Variants in TSHR observed in about 807,000 individuals in gnomAD.
TSHR encodes the protein thyroid stimulating hormone receptor.
Under a neutral mutation model 64.1 loss-of-function variants are expected in TSHR, and 51 were observed. The ratio of observed to expected loss-of-function variants is 0.80; its 90% CI spans 0.64 to 1.01. The LOEUF is 1.01. TSHR is among the 50% of genes least tolerant of loss of function. The probability of loss-of-function intolerance (pLI) is 0.00; values close to 1 mark genes in which losing one functional copy is unlikely to be tolerated. For missense variants in TSHR, 877 were observed against 942.8 expected, an observed-to-expected ratio of 0.93 and a Z score of 0.91; for synonymous variants, 361 against 361.9, an observed-to-expected ratio of 1.00 and a Z score of 0.03.
intron 2 of TSHR, among the ~76,000 whole-genome samples, chr14:81,066,605 G>A (rs1229375067): frequency 6.6e-6 from 1 of 152,138 alleles, no homozygotes; most frequent in African/African-American, 2.4e-5. Flanking sequence ...ACATTGCATC[G>A]ATGAGGATAC....
At chr14:81,108,687 G>C in intron 8 of TSHR, 1 of 1,613,920 alleles carries the variant, frequency 6.2e-7, no homozygotes, top group South Asian at 1.1e-5. Context: ...CATGATGCCT[G>C]CTAAGGCAGC....
At chr14:81,008,514 G>A (rs1311144535) in intron 1 of TSHR, among the ~76,000 whole-genome samples, 2 of 152,080 alleles carry the variant, frequency 1.3e-5, no homozygotes, top group African/African-American at 4.8e-5. Context: ...ATTTACTAGA[G>A]ATTTTATCTT....
At chr14:80,985,854 A>C (rs1441634666) in intron 1 of TSHR, among the ~76,000 whole-genome samples, 1 of 152,210 alleles carries the variant, frequency 6.6e-6, no homozygotes, top group Non-Finnish European at 1.5e-5. Context: ...CAGTGGGAAG[A>C]TCTTTGCTGA....
At chr14:81,101,758 G>T (rs1385235509) in intron 7 of TSHR, among the ~76,000 whole-genome samples, 4 of 152,102 alleles carry the variant, frequency 2.6e-5, no homozygotes, top group Admixed American at 6.5e-5. Context: ...AACCTGATCT[G>T]CACATCTTTG....
At chr14:81,114,385 G>A (rs1890380291) in intron 8 of TSHR, among the ~76,000 whole-genome samples, 1 of 152,220 alleles carries the variant, frequency 6.6e-6, no homozygotes, top group Non-Finnish European at 1.5e-5. Context: ...AGCGGTCAGG[G>A]AGTTCCCTTT....
At chr14:81,022,798 G>A (rs1469970194) in intron 1 of TSHR, among the ~76,000 whole-genome samples, 1 of 152,002 alleles carries the variant, frequency 6.6e-6, no homozygotes, top group Non-Finnish European at 1.5e-5. Context: ...TCCAGCCCGG[G>A]CGACAAAGCG....
chr14:81,064,288 C>A (rs1458337378), intron 2 of TSHR, among the ~76,000 whole-genome samples: 2 of 151,984 alleles, frequency 1.3e-5, no homozygotes, highest in African/African-American at 4.8e-5. Context: ...AGATTTGAGA[C>A]ATAAATAAGG....
At chr14:80,998,980 T>C (rs1287824185) in intron 1 of TSHR, among the ~76,000 whole-genome samples, 2 of 152,212 alleles carry the variant, frequency 1.3e-5, no homozygotes, top group African/African-American at 4.8e-5. Context: ...GATTGCACAA[T>C]TGTAAAACCA....
At chr14:80,990,152 G>A (rs1888654364) in intron 1 of TSHR, among the ~76,000 whole-genome samples, 1 of 152,184 alleles carries the variant, frequency 6.6e-6, no homozygotes, top group African/African-American at 2.4e-5. Context: ...AGAGTGTGAG[G>A]CAGAGATTAC....
chr14:80,995,013 C>A (rs1195628069), intron 1 of TSHR: 1 of 152,066 alleles, frequency 6.6e-6, no homozygotes, highest in Non-Finnish European at 1.5e-5. Flanking sequence ...GATCTAATAT[C>A]CAGCATATAT....
chr14:81,075,511 A>G (rs1887431760), intron 3 of TSHR, among the ~76,000 whole-genome samples: 1 of 151,820 alleles, frequency 6.6e-6, no homozygotes, highest in Non-Finnish European at 1.5e-5. Flanking sequence ...TTTTATTATT[A>G]TACTTTAAGT....
intron 1 of TSHR, chr14:81,049,363 G>A (rs1348552948): frequency 6.6e-6 from 1 of 152,088 alleles, no homozygotes; most frequent in Non-Finnish European, 1.5e-5. Context: ...TCTGTCTATG[G>A]TTATGTAGTT....
chr14:81,087,070 T>C (rs1296065072), intron 3 of TSHR, among the ~76,000 whole-genome samples: 2 of 152,224 alleles, frequency 1.3e-5, no homozygotes, highest in African/African-American at 4.8e-5. Flanking sequence ...GTTTATGGAA[T>C]GTAAATTCTT....
At chr14:81,104,210 T>C (rs1339254430) in intron 7 of TSHR, 14 of 985,322 alleles carry the variant, frequency 1.4e-5, no homozygotes, top group South Asian at 1.4e-4. Flanking sequence ...AGGATTTCCA[T>C]AGAGCAATCC....
chr14:81,082,347 T>G (rs148337617), intron 3 of TSHR, among the ~76,000 whole-genome samples: 4 of 152,216 alleles, frequency 2.6e-5, no homozygotes, highest in African/African-American at 9.6e-5. Context: ...AATGAACATC[T>G]AGGTTGCTTG....
At chr14:81,064,678 A>C in intron 2 of TSHR, among the ~76,000 whole-genome samples, 1 of 152,108 alleles carries the variant, frequency 6.6e-6, no homozygotes, top group East Asian at 1.9e-4. Context: ...AAATAAGTAC[A>C]TGGGAAAAAA....
rs765027542 is a variant in TSHR at position 81,142,949 on chromosome 14, G to A, written c.891G>A (p.Glu297=). ...KNQKKIRGIL[E]SLMCNESSMQ... The stretch of plus-strand genomic sequence containing the variant: ...TTCTGTTGCCTTGCAGAATCCTTGA[G>A]TCCTTGATGTGTAATGAGAGCAGTA... Residue 297 remains glutamate, a synonymous_variant, in exon 10 of 10, where the codon GAG becomes GAA. Coordinates refer to ENST00000298171, the MANE Select transcript of TSHR (RefSeq NM_000369.5). The A allele has an allele frequency of 4.8e-5, 78 of 1,613,958 alleles. No homozygotes were observed. Among genetic ancestry groups the A allele is most frequent in the Admixed American group, 1.2e-4 (7 of 60,008 alleles).
chr14:81,009,717 A>G lies in TSHR; in HGVS notation c.171-52431A>G, dbSNP rs76517333. On this transcript the variant is annotated intron_variant, in intron 1 of 9. Transcript: ENST00000298171. ...AATGTTGATGCATGTAGTCTAGTTT[A>G]TATTTTTGGCTATCTAGTATTTTGT... is the stretch of plus-strand genomic sequence containing the variant. Among the ~76,000 whole-genome samples the G allele has an allele frequency of 3.9e-5, 6 of 152,090 alleles. No homozygotes were observed. The East Asian group carries it at 9.7e-4, about 24-fold the overall frequency.
chr14:81,044,552 G>T (rs1885076319), intron 1 of TSHR, among the ~76,000 whole-genome samples: 1 of 151,984 alleles, frequency 6.6e-6, no homozygotes, highest in South Asian at 2.1e-4. Flanking sequence ...CAGCTACTTG[G>T]GAGGCTGAGG....
Sources: allele counts gnomAD v4.1 joint callset (sites outside exome capture counted in the v4.1 genomes callset), GRCh38; gene constraint gnomAD v4.1.1; transcripts MANE v1.5; gene names NCBI Gene and HGNC (gene_info 2026-07-23, HGNC 2026-07-21).